The following FBLIM1 variants were observed in gnomAD, a reference collection of about 807,000 sequenced individuals.
The protein encoded by FBLIM1 is filamin binding LIM protein 1.
In FBLIM1, 29 loss-of-function variants were observed where a neutral mutation model predicts 37.4. That is an observed-to-expected ratio of 0.77 (90% CI 0.58 to 1.06). FBLIM1 has a LOEUF of 1.06. Ranked by LOEUF, FBLIM1 falls within the 50% of genes least tolerant of loss-of-function variation. The pLI, the probability that FBLIM1 is intolerant of heterozygous loss-of-function variation, is 0.00. For missense variants in FBLIM1, 449 were observed against 505.6 expected (o/e 0.89, Z 1.07); for synonymous variants, 193 against 199.0 (o/e 0.97, Z 0.25).
rs183862782 is a variant in FBLIM1 at position 15,777,492 on chromosome 1, A to G, written c.1008+205A>G. On this transcript the variant is annotated intron_variant, in intron 8 of 8. Coordinates refer to ENST00000375766, the MANE Select transcript of FBLIM1 (RefSeq NM_017556.4). The stretch of plus-strand genomic sequence containing the variant: ...TAATAAGAAACCGGACTCAAGTTGC[A>G]TTCTCCAGAGAAGGGAATCTGTTGG... 1.7e-4 allele frequency among the ~76,000 whole-genome samples: 26 copies of G among 151,902 alleles called. No individual in the cohort carries two copies. The East Asian group carries it at 5.0e-3, about 29-fold the overall frequency.
intron 8 of FBLIM1, among the ~76,000 whole-genome samples, chr1:15,781,912 G>A (rs1372183359): frequency 5.3e-5 from 8 of 151,408 alleles, no homozygotes; most frequent in Non-Finnish European, 1.0e-4. Flanking sequence ...TAGAGATGGG[G>A]TTTCACTGTG....
chr1:15,758,243 C>A (rs1272787036), upstream of FBLIM1: 1 of 152,238 alleles, frequency 6.6e-6, no homozygotes, highest in African/African-American at 2.4e-5. This position sits in a 1 kb window ranked among gnomAD's most constrained non-coding sequence, Gnocchi z 6.2. Context: ...CAGGAGGTGG[C>A]GTGACTGCTC....
intron 2 of FBLIM1, 23 bp from the exon 3 acceptor site, chr1:15,764,941 G>T: frequency 6.3e-7 from 1 of 1,582,204 alleles, no homozygotes; most frequent in Non-Finnish European, 8.6e-7. Flanking sequence ...GCAATCCTGT[G>T]CTGTACCCCA....
chr1:15,783,224 G>T (rs2069688304), intron 8 of FBLIM1, among the ~76,000 whole-genome samples: 1 of 152,192 alleles, frequency 6.6e-6, no homozygotes, highest in Non-Finnish European at 1.5e-5. Context: ...GCAGAACAGT[G>T]ACGTTGGTAG....
chr1:15,775,932 A>T (rs1236915613), intron 7 of FBLIM1, among the ~76,000 whole-genome samples: 1 of 152,182 alleles, frequency 6.6e-6, no homozygotes, highest in Non-Finnish European at 1.5e-5. Context: ...CAGATAAGGC[A>T]GGCCAGAGAA....
chr1:15,782,936 C>A (rs1183231244), intron 8 of FBLIM1, among the ~76,000 whole-genome samples: 1 of 151,526 alleles, frequency 6.6e-6, no homozygotes, highest in Non-Finnish European at 1.5e-5. Context: ...GCTGGGATTA[C>A]AGGCACCCAC....
chr1:15,782,465 G>C (rs1467965736), intron 8 of FBLIM1, among the ~76,000 whole-genome samples: 1 of 151,680 alleles, frequency 6.6e-6, no homozygotes, highest in Non-Finnish European at 1.5e-5. Context: ...AGTGGTTCCA[G>C]CCATGCTTGT....
At chr1:15,769,915 G>A (rs2069118724) in intron 5 of FBLIM1, among the ~76,000 whole-genome samples, 3 of 151,922 alleles carry the variant, frequency 2.0e-5, no homozygotes, top group Admixed American at 1.3e-4. Flanking sequence ...TTACAGGTGT[G>A]AGCCACCGCG....
At position 15,784,834 on chromosome 1, in the gene FBLIM1, T is replaced by A; in HGVS notation, c.*173T>A. 1 of 524,520 alleles carries A rather than the reference T, an allele frequency of 1.9e-6. No homozygotes were observed. Among genetic ancestry groups the A allele is most frequent in the Non-Finnish European group, 3.4e-6 (1 of 290,422 alleles). 32.5% of individuals were successfully genotyped at this position (524,520 alleles called of 1,614,324 possible). On this transcript the variant is annotated 3_prime_UTR_variant, in exon 9 of 9. Coordinates refer to ENST00000375766, the MANE Select transcript of FBLIM1 (RefSeq NM_017556.4). Reference sequence around the variant, plus strand: ...AGTGGGGCTGAGCACCCCCAGGCCTTCCACTCCTCTACCCTCTGGGCACCA... The same window carrying A: ...AGTGGGGCTGAGCACCCCCAGGCCTACCACTCCTCTACCCTCTGGGCACCA...
At chr1:15,784,159 C>T (rs182121092) in intron 8 of FBLIM1, among the ~76,000 whole-genome samples, 2 of 152,160 alleles carry the variant, frequency 1.3e-5, no homozygotes, top group Middle Eastern at 3.4e-3. Context: ...CCAGCCTGGG[C>T]GACAGAGCAA....
At chr1:15,767,333 A>G (rs2068972427) in intron 3 of FBLIM1, 43 bp from the exon 4 acceptor site, 3 of 1,503,792 alleles carry the variant, frequency 2.0e-6, no homozygotes, top group Non-Finnish European at 2.6e-6. Flanking sequence ...TCCCAGGTCC[A>G]CCTGGGAGGC....
Position 15,768,557 on chromosome 1 carries a change from C to T in FBLIM1, c.468C>T (p.Pro156=), listed in dbSNP as rs146397933. Residue 156 remains proline, a synonymous_variant, in exon 5 of 9, where the codon CCC becomes CCT. Transcript: ENST00000375766. ...QAPAEGPSVQ[P]GPLRPMEEEL... is the part of the protein sequence containing the mutation. Reference sequence around the variant, plus strand: ...CAGCGGAGGGACCTTCAGTCCAGCCCGGTCCCCTCAGGCCCATGGAGGAAG... The same window carrying T: ...CAGCGGAGGGACCTTCAGTCCAGCCTGGTCCCCTCAGGCCCATGGAGGAAG... The T allele has an allele frequency of 1.2e-3, 1,853 of 1,608,170 alleles. 38 individuals are homozygous for T. In the Admixed American group the frequency reaches 0.029, roughly 25 times the overall value.
At chr1:15,768,986 C>T (rs2069067564) in intron 5 of FBLIM1, among the ~76,000 whole-genome samples, 4 of 152,156 alleles carry the variant, frequency 2.6e-5, no homozygotes, top group Admixed American at 6.6e-5. Context: ...CCCTACCACC[C>T]GGTTTCCTTC....
chr1:15,759,986 G>A (rs896741770), intron 1 of FBLIM1, among the ~76,000 whole-genome samples: 2 of 152,250 alleles, frequency 1.3e-5, no homozygotes, highest in African/African-American at 4.8e-5. Context: ...CACTTTGGGA[G>A]GCCGAGGCGG....
chr1:15,783,871 C>T (rs186410380), intron 8 of FBLIM1, among the ~76,000 whole-genome samples: 198 of 152,236 alleles, frequency 1.3e-3, no homozygotes, highest in African/African-American at 4.3e-3. Context: ...CGTGAACCAC[C>T]GCGCCCGCCC....
intron 6 of FBLIM1, among the ~76,000 whole-genome samples, chr1:15,773,625 G>A (rs1275697034): frequency 6.8e-6 from 1 of 147,396 alleles, no homozygotes; most frequent in African/African-American, 2.5e-5. Context: ...GTTGTGGTGA[G>A]CCAAGATTGC....
Position 15,785,783 on chromosome 1 carries a change from C to G in FBLIM1, c.*1122C>G, listed in dbSNP as rs367914308. On this transcript the variant is annotated 3_prime_UTR_variant, in exon 9 of 9. Transcript: ENST00000375766. ...CAGTTGGGGCACAGCCATGGACTTC[C>G]CCGCCCTGGAATGTGTGGTGCAAAG... 2 of 152,298 alleles carry G rather than the reference C, an allele frequency of 1.3e-5. No homozygotes were observed. Among genetic ancestry groups the G allele is most frequent in the African/African-American group, 4.8e-5 (2 of 41,470 alleles). The allele number at this position is 152,298 out of a possible 1,614,324, so 9.4% of individuals were successfully genotyped here.
chr1:15,782,159 C>T (rs750048228), intron 8 of FBLIM1, among the ~76,000 whole-genome samples: 1 of 151,870 alleles, frequency 6.6e-6, no homozygotes, highest in Non-Finnish European at 1.5e-5. Context: ...CACCTGTGAT[C>T]CCAGCACTTT....
At chr1:15,768,081 C>T (rs981797054) in intron 4 of FBLIM1, among the ~76,000 whole-genome samples, 4 of 152,108 alleles carry the variant, frequency 2.6e-5, no homozygotes, top group Admixed American at 6.6e-5. Flanking sequence ...CAGGGTTTCA[C>T]CATGTTGGTC....
Sources: allele counts gnomAD v4.1 joint callset (sites outside exome capture counted in the v4.1 genomes callset), GRCh38; gene constraint gnomAD v4.1.1; non-coding constraint Gnocchi (gnomAD v3.1); transcripts MANE v1.5; gene names NCBI Gene and HGNC (gene_info 2026-07-23, HGNC 2026-07-21).